The following TRIM40 variants were observed in gnomAD, a reference collection of about 807,000 sequenced individuals.
TRIM40 encodes tripartite motif containing 40, also known as E3 ubiquitin ligase TRIM40.
A neutral mutation model predicts 26.1 loss-of-function variants in TRIM40; 27 were observed. The observed-to-expected ratio is 1.04, with a 90% CI of 0.76 to 1.43. The LOEUF is 1.43. Among genes scored for constraint, TRIM40 ranks in the 40% most tolerant of loss-of-function variants. The pLI is 0.00. For synonymous variants in TRIM40, 114 were observed against 120.0 expected (o/e 0.95, Z 0.33); for missense variants, 289 against 307.9 (o/e 0.94, Z 0.46).
chr6:30,146,007 G>T lies in TRIM40; in HGVS notation c.359G>T (p.Arg120Leu). ...CTGTCTCTTTAGGAACGACTCAATC[G>T]CCGGAGCAGGAAGCTCAGAAAGGAC... is the stretch of plus-strand genomic sequence containing the variant. ...ALSHYKERLN[R>L]RSRKLRKDIA... is the part of the protein sequence containing the mutation. Residue 120 changes from arginine (R) to leucine (L), a missense_variant, in exon 3 of 6, where the codon CGC (arginine) becomes CTC (leucine). Physicochemically the swap from Arg to Leu is moderately radical, Grantham distance 102. Transcript: ENST00000396581. 6.2e-7 allele frequency: 1 copy of T among 1,612,952 alleles called. No homozygotes were observed.
intron 2 of TRIM40, among the ~76,000 whole-genome samples, chr6:30,141,880 C>A (rs531220997): frequency 6.6e-6 from 1 of 152,136 alleles, no homozygotes; most frequent in Non-Finnish European, 1.5e-5. Flanking sequence ...TATGTAGCAC[C>A]AATTTGAGGT....
chr6:30,148,067 C>T lies in TRIM40; in HGVS notation c.*255C>T. 3.6e-6 allele frequency: 2 copies of T among 563,240 alleles called. No individual in the cohort carries two copies. Among genetic ancestry groups the T allele is most frequent in the South Asian group, 4.9e-5 (2 of 40,842 alleles). The allele number at this position is 563,240 out of a possible 1,614,324, so 34.9% of individuals were successfully genotyped here. On this transcript the variant is annotated 3_prime_UTR_variant, in exon 6 of 6. Transcript: ENST00000396581. ...CTGTGGAGGTCGGGGCCCATGGTCTCCAGGAGCATTTGTGAAATCTCCATT... is the reference window on the plus strand; with the variant it reads ...CTGTGGAGGTCGGGGCCCATGGTCTTCAGGAGCATTTGTGAAATCTCCATT...
In TRIM40 at chr6:30,148,414, A is replaced by G. The variant is rs117241048; in HGVS notation, c.*602A>G. 45 of 157,074 alleles carry G rather than the reference A, an allele frequency of 2.9e-4. No homozygotes were observed. The East Asian group carries it at 7.8e-3, about 27-fold the overall frequency. 9.7% of individuals were successfully genotyped at this position (157,074 alleles called of 1,614,324 possible). A position where few individuals can be genotyped will look rare whatever the true frequency, so the allele number is the denominator to read the frequency against. On this transcript the variant is annotated 3_prime_UTR_variant, in exon 6 of 6. Coordinates refer to ENST00000396581, the MANE Select transcript of TRIM40 (RefSeq NM_001286633.2). Reference sequence around the variant, plus strand: ...AATAAGGCAAAGGTGATAGGGTGTCACTCTGGCAACTGTGTTGCATTGTAT... The same window carrying G: ...AATAAGGCAAAGGTGATAGGGTGTCGCTCTGGCAACTGTGTTGCATTGTAT...
In TRIM40 at chr6:30,147,000, G is replaced by T. The variant is rs533845551; in HGVS notation, c.457G>T (p.Gly153Trp). 5 of 1,599,372 alleles carry T rather than the reference G, an allele frequency of 3.1e-6. No individual in the cohort carries two copies. In the African/African-American group the frequency reaches 5.4e-5, roughly 17 times the overall value. The change falls in exon 4 of 6, where the codon GGG becomes TGG. Residue 153 changes from glycine (G) to tryptophan (W), a missense_variant. Transcript: ENST00000396581. ...LQALQFQVDH[G>W]NHRLEAGPES... ...TTTCCTGTAGTTTCAGGTAGACCAC[G>T]GGAACCACAGGCTGGAGGCTGGGCC...
At chr6:30,145,692 T>C (rs566234516) in intron 2 of TRIM40, among the ~76,000 whole-genome samples, 1 of 152,266 alleles carries the variant, frequency 6.6e-6, no homozygotes, top group Non-Finnish European at 1.5e-5. Flanking sequence ...CATATAACTT[T>C]TGTATGTTGA....
chr6:30,147,601 T>G lies in TRIM40; in HGVS notation c.689+59T>G. 2 of 1,613,958 alleles carry G rather than the reference T, an allele frequency of 1.2e-6. 1 individual carries two copies. The highest frequency in any genetic ancestry group is 2.2e-5 in the South Asian group (2 of 91,074). On this transcript the variant is annotated intron_variant, in intron 5 of 5. Coordinates refer to ENST00000396581, the MANE Select transcript of TRIM40 (RefSeq NM_001286633.2). ...CATATAAACCCACACAACACAGACA[T>G]GCACAGAGGTCAAGGAGACCCACTG...
At position 30,137,176 on chromosome 6, in the gene TRIM40, C is replaced by A; in HGVS notation, c.140C>A (p.Ala47Asp). ...ACACAGCATGTGGAGAAGGCCTCAGCCTCTGGGGTCTTCTGCTGCCCCCTC... is the reference window on the plus strand; with the variant it reads ...ACACAGCATGTGGAGAAGGCCTCAGACTCTGGGGTCTTCTGCTGCCCCCTC... ...CLTQHVEKAS[A>D]SGVFCCPLCR... is the part of the protein sequence containing the mutation. Residue 47 changes from alanine (A) to aspartate (D), a missense_variant, in exon 2 of 6, where the codon GCC (alanine) becomes GAC (aspartate). By Grantham distance (126) the Ala-to-Asp change is moderately radical (BLOSUM62 -2). Coordinates refer to ENST00000396581, the MANE Select transcript of TRIM40 (RefSeq NM_001286633.2). The A allele has an allele frequency of 1.9e-6, 3 of 1,613,026 alleles. No homozygotes were observed. The South Asian group carries it at 3.3e-5, about 18-fold the overall frequency.
At position 30,143,950 on chromosome 6, in the gene TRIM40, G is replaced by A. The variant is rs113996299; in HGVS notation, c.346-2044G>A. The stretch of plus-strand genomic sequence containing the variant: ...TTAAATTTTAAACTGCCAGATGATA[G>A]GACTGTGGCTTTTTGAACTGGACCT... On this transcript the variant is annotated intron_variant, in intron 2 of 5. Coordinates refer to ENST00000396581, the MANE Select transcript of TRIM40 (RefSeq NM_001286633.2). 1.5e-3 allele frequency among the ~76,000 whole-genome samples: 235 copies of A among 152,178 alleles called. 1 individual carries two copies. The highest frequency in any genetic ancestry group is 5.4e-3 in the African/African-American group (226 of 41,508).
chr6:30,138,915 C>T (rs964750551), intron 2 of TRIM40, among the ~76,000 whole-genome samples: 13 of 152,150 alleles, frequency 8.5e-5, no homozygotes, highest in African/African-American at 3.1e-4. Flanking sequence ...ATTGAAAAAG[C>T]CAGAGGCAAA....
rs554790547 is a variant in TRIM40 at position 30,146,970 on chromosome 6, G to C, written c.442-15G>C. The C allele has an allele frequency of 1.3e-6, 2 of 1,564,798 alleles. No individual in the cohort carries two copies. Among genetic ancestry groups the C allele is most frequent in the Admixed American group, 3.8e-5 (2 of 52,150 alleles). ...GCCACCTGACACTGAGTCTTAGGGAGCCCCTTTCCTGTAGTTTCAGGTAGA... is the reference window on the plus strand; with the variant it reads ...GCCACCTGACACTGAGTCTTAGGGACCCCCTTTCCTGTAGTTTCAGGTAGA... On this transcript the variant is annotated splice_polypyrimidine_tract_variant and intron_variant, in intron 3 of 5. Transcript: ENST00000396581.
intron 2 of TRIM40, among the ~76,000 whole-genome samples, chr6:30,138,033 T>C (rs1771118974): frequency 6.6e-6 from 1 of 151,878 alleles, no homozygotes; most frequent in Non-Finnish European, 1.5e-5. Context: ...TGTACATCCT[T>C]CCAAAAAATG....
At chr6:30,140,271 G>A (rs150205165) in intron 2 of TRIM40, among the ~76,000 whole-genome samples, 4 of 152,054 alleles carry the variant, frequency 2.6e-5, no homozygotes, top group Non-Finnish European at 4.4e-5. Context: ...ACATGCACAC[G>A]TATGTTTATT....
At chr6:30,143,654 T>C (rs1045100596) in intron 2 of TRIM40, among the ~76,000 whole-genome samples, 2 of 152,184 alleles carry the variant, frequency 1.3e-5, no homozygotes, top group Admixed American at 1.3e-4. Context: ...TGTCTTTTTT[T>C]CTCTGAGGAA....
At position 30,148,435 on chromosome 6, in the gene TRIM40, T is replaced by G. The variant is rs1445872232; in HGVS notation, c.*623T>G. ...TGTCACTCTGGCAACTGTGTTGCAT[T>G]GTATAGAACTCCTCCTTGCTGGCCC... On this transcript the variant is annotated 3_prime_UTR_variant, in exon 6 of 6. Coordinates refer to ENST00000396581, the MANE Select transcript of TRIM40 (RefSeq NM_001286633.2). 6.5e-6 allele frequency: 1 copy of G among 152,948 alleles called. No homozygotes were observed. Among genetic ancestry groups the G allele is most frequent in the Non-Finnish European group, 1.5e-5 (1 of 68,622 alleles). The allele number at this position is 152,948 out of a possible 1,614,324, so 9.5% of individuals were successfully genotyped here. A position where few individuals can be genotyped will look rare whatever the true frequency, so the allele number is the denominator to read the frequency against.
At chr6:30,147,435 G>A in intron 4 of TRIM40, 85 bp from the exon 5 acceptor site, 1 of 1,599,588 alleles carries the variant, frequency 6.3e-7, no homozygotes, top group Non-Finnish European at 8.6e-7. Context: ...CCCCAGAGTG[G>A]CCTCCAAGAG....
Position 30,137,824 on chromosome 6 carries a change from T to C in TRIM40, c.345+443T>C, listed in dbSNP as rs1052396947. On this transcript the variant is annotated intron_variant, in intron 2 of 5. Transcript: ENST00000396581. The stretch of plus-strand genomic sequence containing the variant: ...ATTTTTTCTCTCTTTTTCTTCCTTC[T>C]GCATTTGTCTTATCTTTCCTTTTCC... Among the ~76,000 whole-genome samples the C allele has an allele frequency of 2.6e-5, 4 of 152,372 alleles. No homozygotes were observed. In the East Asian group the frequency reaches 5.8e-4, roughly 22 times the overall value.
intron 2 of TRIM40, 59 bp downstream of exon 2, chr6:30,137,440 A>G: frequency 1.4e-6 from 2 of 1,455,738 alleles, no homozygotes; most frequent in Non-Finnish European, 1.9e-6. Context: ...GCTGCATCCT[A>G]CATGTTCATC....
rs113267553 is a variant in TRIM40, at chr6:30,136,936, T to G, written c.-101T>G. 1.6e-6 allele frequency: 2 copies of G among 1,237,018 alleles called. No individual in the cohort carries two copies. Among genetic ancestry groups the G allele is most frequent in the Admixed American group, 2.5e-5 (1 of 40,648 alleles). The allele number at this position is 1,237,018 out of a possible 1,614,324, so 76.6% of individuals were successfully genotyped here. A position where few individuals can be genotyped will look rare whatever the true frequency, so the allele number is the denominator to read the frequency against. On this transcript the variant is annotated 5_prime_UTR_variant, in exon 2 of 6. Transcript: ENST00000396581. ...TGCTCCAGGGCTGCCTCCTTCCGAC[T>G]GGGCCTTCTTATCTGGGACTGTTGA...
At chr6:30,140,905 A>G (rs1771306736) in intron 2 of TRIM40, among the ~76,000 whole-genome samples, 1 of 152,168 alleles carries the variant, frequency 6.6e-6, no homozygotes, top group Non-Finnish European at 1.5e-5. Context: ...GATCTTACAT[A>G]CGCAGCTGGA....
Sources: allele counts gnomAD v4.1 joint callset (sites outside exome capture counted in the v4.1 genomes callset), GRCh38; gene constraint gnomAD v4.1.1; transcripts MANE v1.5; gene names NCBI Gene and HGNC (gene_info 2026-07-23, HGNC 2026-07-21).